The following ZNF487 variants were observed in gnomAD, a reference collection of about 807,000 sequenced individuals.
The protein encoded by ZNF487 is KRAB domain only 1.
In ZNF487, 4 loss-of-function variants were observed where a neutral mutation model predicts 3.0. That is an observed-to-expected ratio of 1.35 (90% CI 0.66 to 3.08). ZNF487 has a LOEUF of 3.08. Among genes scored for constraint, ZNF487 ranks in the 30% most tolerant of loss-of-function variants. The pLI is 0.01. For missense variants in ZNF487, 146 were observed against 98.7 expected (o/e 1.48, Z -2.03); for synonymous variants, 55 against 34.6 (o/e 1.59, Z -2.06).
downstream of ZNF487, among the ~76,000 whole-genome samples, chr10:43,484,433 C>T (rs1191302068): frequency 1.3e-5 from 2 of 151,570 alleles, no homozygotes; most frequent in African/African-American, 4.8e-5. Flanking sequence ...ATGGGGAAAC[C>T]CTGTCTCTAC....
intron 3 of ZNF487, among the ~76,000 whole-genome samples, chr10:43,480,566 C>A (rs1490364275): frequency 6.6e-6 from 1 of 152,024 alleles, no homozygotes; most frequent in African/African-American, 2.4e-5. Flanking sequence ...CAGATGCACA[C>A]CACCACACCT....
intron 1 of ZNF487, among the ~76,000 whole-genome samples, chr10:43,473,063 G>T (rs1169986572): frequency 7.7e-6 from 1 of 129,626 alleles, no homozygotes; most frequent in African/African-American, 3.1e-5. Context: ...AAAAAAAAAA[G>T]GTTGATCATC....
the ZNF487 span, chr10:43,496,209 C>G: frequency 4.9e-6 from 2 of 405,810 alleles, no homozygotes. Flanking sequence ...TATACGTGAT[C>G]CTTTATAGAG....
At position 43,481,571 on chromosome 10, in the gene ZNF487, C is replaced by T. The variant is rs200333638; in HGVS notation, c.273C>T (p.Asn91=). 3 of 704,152 alleles carry T rather than the reference C, an allele frequency of 4.3e-6. No individual in the cohort carries two copies. The highest frequency in any genetic ancestry group is 5.2e-6 in the Non-Finnish European group (2 of 380,964). The allele number at this position is 704,152 out of a possible 1,614,324, so 43.6% of individuals were successfully genotyped here. The change falls in exon 4 of 4, where the codon AAC becomes AAT. Residue 91 remains asparagine, a synonymous_variant. Transcript: ENST00000437590. ...VLGKTFSLDT[N]PILSRKIRGN... ...GAAAAACATTTTCTCTTGACACAAA[C>T]CCCATTCTATCAAGAAAAATACGTG...
chr10:43,455,160 C>A lies in ZNF487; in HGVS notation c.-94+17898C>A, dbSNP rs145173751. Among the ~76,000 whole-genome samples the A allele has an allele frequency of 2.0e-3, 311 of 152,032 alleles. 1 individual carries two copies. The highest frequency in any genetic ancestry group is 7.2e-3 in the African/African-American group (299 of 41,478). ...AGTAGCTGGAACTATAGGCGCCCGCCACCACGCCCGGCCAATTTTTTTTGT... is the reference window on the plus strand; with the variant it reads ...AGTAGCTGGAACTATAGGCGCCCGCAACCACGCCCGGCCAATTTTTTTTGT... On this transcript the variant is annotated intron_variant, in intron 1 of 3. Coordinates refer to ENST00000437590, the MANE Select transcript of ZNF487 (RefSeq NM_001355444.3).
At chr10:43,455,167 C>A (rs1443373635) in intron 1 of ZNF487, among the ~76,000 whole-genome samples, 2 of 151,862 alleles carry the variant, frequency 1.3e-5, no homozygotes, top group East Asian at 3.9e-4. Flanking sequence ...CGCCACCACG[C>A]CCGGCCAATT....
At chr10:43,505,538 C>G in the ZNF487 span, among the ~76,000 whole-genome samples, 2 of 152,140 alleles carry the variant, frequency 1.3e-5, no homozygotes, top group African/African-American at 4.8e-5. Context: ...CCGCTTTGGC[C>G]TCCCAAAGTG....
intron 1 of ZNF487, among the ~76,000 whole-genome samples, chr10:43,472,249 A>T (rs1376295474): frequency 3.3e-5 from 5 of 152,084 alleles, no homozygotes; most frequent in African/African-American, 1.2e-4. Flanking sequence ...TGAGTATTTT[A>T]TAGACCCAAG....
chr10:43,493,724 A>G, the ZNF487 span, among the ~76,000 whole-genome samples: 1 of 94,316 alleles, frequency 1.1e-5, no homozygotes, highest in Non-Finnish European at 2.3e-5. Flanking sequence ...ATATATATAT[A>G]TATATATATA....
the ZNF487 span, among the ~76,000 whole-genome samples, chr10:43,510,946 G>A: frequency 6.6e-6 from 1 of 152,188 alleles, no homozygotes; most frequent in African/African-American, 2.4e-5. Flanking sequence ...GGGTCTCCTG[G>A]TGGCAGTGTT....
intron 1 of ZNF487, among the ~76,000 whole-genome samples, chr10:43,446,577 G>A (rs1326620765): frequency 2.7e-5 from 4 of 150,500 alleles, no homozygotes; most frequent in Admixed American, 6.6e-5. Context: ...GGGCAGAGGC[G>A]CTCCTCACAT....
intron 1 of ZNF487, among the ~76,000 whole-genome samples, chr10:43,441,128 A>G (rs753822051): frequency 1.3e-4 from 18 of 133,590 alleles, no homozygotes; most frequent in Admixed American, 2.7e-4. Flanking sequence ...GGCTTAAGCA[A>G]TCCTTCCACC....
intron 1 of ZNF487, among the ~76,000 whole-genome samples, chr10:43,455,425 T>C (rs148314262): frequency 6.6e-6 from 1 of 152,360 alleles, no homozygotes; most frequent in East Asian, 1.9e-4. Context: ...ATCACTCAGC[T>C]GCTTTGCTTT....
the ZNF487 span, among the ~76,000 whole-genome samples, chr10:43,505,473 C>T: frequency 2.0e-5 from 3 of 150,748 alleles, no homozygotes; most frequent in East Asian, 2.0e-4. Flanking sequence ...TTAGTAGAGA[C>T]GGGGTTTCAC....
At chr10:43,480,273 C>G (rs1420318183) in intron 3 of ZNF487, among the ~76,000 whole-genome samples, 1 of 149,018 alleles carries the variant, frequency 6.7e-6, no homozygotes, top group Admixed American at 6.8e-5. Flanking sequence ...ACACCCAGCT[C>G]ATTTTTGTAT....
chr10:43,504,830 C>T, the ZNF487 span, among the ~76,000 whole-genome samples: 2 of 151,768 alleles, frequency 1.3e-5, no homozygotes, highest in Non-Finnish European at 2.9e-5. Flanking sequence ...CCTCAGCCTC[C>T]TGAGTAGCTG....
the ZNF487 span, among the ~76,000 whole-genome samples, chr10:43,506,254 C>A: frequency 1.3e-4 from 20 of 152,276 alleles, no homozygotes; most frequent in Middle Eastern, 3.4e-3. Flanking sequence ...TGGCTCATGC[C>A]TATAATCCCA....
At chr10:43,440,591 G>C (rs1839562730) in intron 1 of ZNF487, among the ~76,000 whole-genome samples, 3 of 151,782 alleles carry the variant, frequency 2.0e-5, no homozygotes, top group Non-Finnish European at 4.4e-5. Context: ...CTGGGAGGCA[G>C]AGGCAGCAGT....
the ZNF487 span, among the ~76,000 whole-genome samples, chr10:43,499,349 G>A: frequency 6.6e-6 from 1 of 152,176 alleles, no homozygotes; most frequent in Non-Finnish European, 1.5e-5. Context: ...ATTACAGGAA[G>A]TGAAAATTGA....
Sources: gnomAD v4.1 joint callset for allele counts (sites outside exome capture counted in the v4.1 genomes callset) on GRCh38, gnomAD v4.1.1 for gene constraint, MANE v1.5 for transcripts, NCBI Gene and HGNC (gene_info 2026-07-23, HGNC 2026-07-21) for gene names.